Variants in NKD1 observed in about 807,000 individuals in gnomAD.
The protein encoded by NKD1 is NKD inhibitor of Wnt signaling pathway 1.
NKD1 carries 21 observed loss-of-function variants against 56.0 expected under a neutral mutation model. That is an observed-to-expected ratio of 0.38 (90% CI 0.27 to 0.54). NKD1 has a LOEUF of 0.54. NKD1 is among the 20% of genes least tolerant of loss of function. NKD1 has a pLI of 0.82. For synonymous variants in NKD1, 263 were observed against 265.7 expected, an observed-to-expected ratio of 0.99 and a Z score of 0.10; for missense variants, 578 against 642.7, an observed-to-expected ratio of 0.90 and a Z score of 1.09.
At chr16:50,548,826 C>T (rs1007167437) in intron 2 of NKD1, 77 bp downstream of exon 2, 2 of 1,319,350 alleles carry the variant, frequency 1.5e-6, no homozygotes, top group Non-Finnish European at 1.9e-6. Flanking sequence ...CCCAGCCCGC[C>T]AGGTCTTATG....
intron 3 of NKD1, among the ~76,000 whole-genome samples, chr16:50,562,600 G>A (rs572635532): frequency 7.2e-5 from 11 of 152,166 alleles, no homozygotes; most frequent in Non-Finnish European, 1.6e-4. Context: ...CGATGCGGCC[G>A]AGGACCACCT....
rs57444864 is a variant in NKD1 at position 50,620,528 on chromosome 16, A to G, written c.260-1074A>G. ...AGGGGCCAGGGTCCCTTCCCGGAGT[A>G]GGAGCCAGGCTGTTTCTTCACCTTT... is the stretch of plus-strand genomic sequence containing the variant. On this transcript the variant is annotated intron_variant, in intron 4 of 9. Transcript: ENST00000268459. Among the ~76,000 whole-genome samples, 210 of 152,280 alleles carry G rather than the reference A, an allele frequency of 1.4e-3. No homozygotes were observed. The East Asian group carries it at 0.038, about 27-fold the overall frequency.
chr16:50,579,231 A>C (rs1035020495), intron 3 of NKD1, among the ~76,000 whole-genome samples: 52 of 145,474 alleles, frequency 3.6e-4, no homozygotes, highest in Non-Finnish European at 6.2e-4. Context: ...CCACGCATGC[A>C]CTGTCTTACT....
chr16:50,628,247 A>AC (rs1218571713), intron 6 of NKD1, among the ~76,000 whole-genome samples: 1 of 152,090 alleles, frequency 6.6e-6, no homozygotes, highest in Admixed American at 6.5e-5. Context: ...TTTCTGTGTG[A>AC]CCCCCTCCCA....
intron 6 of NKD1, 52 bp from the exon 7 acceptor site, chr16:50,630,134 C>G (rs373847901): frequency 2.8e-5 from 44 of 1,577,508 alleles, no homozygotes; most frequent in South Asian, 1.1e-5. Flanking sequence ...TTTGTATTTT[C>G]AAGGCCCTGT....
At chr16:50,556,115 T>C (rs952156316) in intron 3 of NKD1, 16 of 152,206 alleles carry the variant, frequency 1.1e-4, no homozygotes, top group African/African-American at 3.4e-4. Flanking sequence ...AGGAGGACTT[T>C]GATGTCACCC....
chr16:50,612,732 G>A (rs1961873796), intron 4 of NKD1, among the ~76,000 whole-genome samples: 1 of 152,184 alleles, frequency 6.6e-6, no homozygotes, highest in Non-Finnish European at 1.5e-5. Flanking sequence ...GAGGGAACTT[G>A]GTGTTTGGGG....
In NKD1 at chr16:50,631,611, G is replaced by A. The variant is rs142751566; in HGVS notation, c.696-670G>A. Among the ~76,000 whole-genome samples the A allele has an allele frequency of 4.8e-3, 727 of 152,332 alleles. 1 individual carries two copies. Among genetic ancestry groups the A allele is most frequent in the Non-Finnish European group, 7.8e-3 (529 of 68,012 alleles). On this transcript the variant is annotated intron_variant, in intron 8 of 9. Transcript: ENST00000268459. ...ATCAGAGGGACCCAGGCTGGCTAGA[G>A]ATCCTGGGGGAAGGTGGTACTGTGT...
In NKD1 at chr16:50,577,651, A is replaced by G. The variant is rs190246419; in HGVS notation, c.192+28096A>G. 1.7e-3 allele frequency among the ~76,000 whole-genome samples: 261 copies of G among 152,270 alleles called. 1 individual carries two copies. Among genetic ancestry groups the G allele is most frequent in the African/African-American group, 6.1e-3 (253 of 41,544 alleles). On this transcript the variant is annotated intron_variant, in intron 3 of 9. Coordinates refer to ENST00000268459, the MANE Select transcript of NKD1 (RefSeq NM_033119.5). ...AACTGAAACTTTGTACCCCTTGGCC[A>G]TCACCCCTTTCCATTTCCTCCTTTC...
Position 50,632,190 on chromosome 16 carries a change from A to C in NKD1, c.696-91A>C. 1.6e-6 allele frequency: 2 copies of C among 1,270,576 alleles called. No homozygotes were observed. The highest frequency in any genetic ancestry group is 2.3e-6 in the Non-Finnish European group (2 of 886,116). The allele number at this position is 1,270,576 out of a possible 1,614,324, so 78.7% of individuals were successfully genotyped here. On this transcript the variant is annotated intron_variant, in intron 8 of 9. Coordinates refer to ENST00000268459, the MANE Select transcript of NKD1 (RefSeq NM_033119.5). This position sits in a 1 kb window ranked among gnomAD's most constrained non-coding sequence, Gnocchi z 4.1. ...CAAGAAGGAAATGAATGAAGGGTCC[A>C]GAGTTCATTCTGGGGGCTTCCTAGT...
chr16:50,617,262 C>G (rs571788272), intron 4 of NKD1, among the ~76,000 whole-genome samples: 14 of 152,190 alleles, frequency 9.2e-5, no homozygotes, highest in Non-Finnish European at 1.6e-4. Flanking sequence ...CCTCACTCTT[C>G]TTCTTTCGCT....
intron 5 of NKD1, 69 bp from the exon 6 acceptor site, chr16:50,625,416 C>T: frequency 8.9e-7 from 1 of 1,126,902 alleles, no homozygotes; most frequent in Non-Finnish European, 1.3e-6. Flanking sequence ...CCTCTAGGCC[C>T]AGGCTTCCAC....
intron 5 of NKD1, among the ~76,000 whole-genome samples, chr16:50,622,846 G>A (rs558682413): frequency 3.9e-5 from 6 of 152,120 alleles, no homozygotes; most frequent in East Asian, 1.9e-4. Context: ...ACAGTTGAGC[G>A]CCCCAAACCC....
At chr16:50,576,870 G>A (rs977247516) in intron 3 of NKD1, among the ~76,000 whole-genome samples, 6 of 151,412 alleles carry the variant, frequency 4.0e-5, no homozygotes, top group East Asian at 3.9e-4. Context: ...TACCATCCCC[G>A]TCAACAGGTG....
chr16:50,632,476 G>A lies in NKD1; in HGVS notation c.823+68G>A, dbSNP rs897731157. The A allele has an allele frequency of 1.7e-4, 266 of 1,543,116 alleles. No homozygotes were observed. Among genetic ancestry groups the A allele is most frequent in the Non-Finnish European group, 2.1e-4 (235 of 1,119,908 alleles). On this transcript the variant is annotated intron_variant, in intron 9 of 9. Transcript: ENST00000268459. This position sits in a 1 kb window ranked among gnomAD's most constrained non-coding sequence, Gnocchi z 4.1. ...CGTGGCTGGACGGGCCAGGCGGGCC[G>A]TGCGGGTGGTGTTCACTGCTACCCC...
intron 4 of NKD1, among the ~76,000 whole-genome samples, chr16:50,618,862 G>A (rs1398024645): frequency 6.6e-6 from 1 of 152,194 alleles, no homozygotes; most frequent in African/African-American, 2.4e-5. Context: ...GAAGACATAT[G>A]AGGGGTCGAG....
In NKD1 at chr16:50,641,741, A is replaced by G. The variant is rs1389358268; in HGVS notation, c.*7960A>G. ...AAAAACCTGTTCAGGGCAGAGCGTT[A>G]GACAGGAGGATGGCTAAGGGAGCAG... On this transcript the variant is annotated 3_prime_UTR_variant, in exon 10 of 10. Coordinates refer to ENST00000268459, the MANE Select transcript of NKD1 (RefSeq NM_033119.5). The G allele has an allele frequency of 6.6e-6, 1 of 152,368 alleles. No individual in the cohort carries two copies. Among genetic ancestry groups the G allele is most frequent in the African/African-American group, 2.4e-5 (1 of 41,452 alleles). 9.4% of individuals were successfully genotyped at this position (152,368 alleles called of 1,614,324 possible).
rs189456003 is a variant in NKD1, at chr16:50,588,944, G to A, written c.193-19350G>A. ...ACTGTCTGCCTCAGTTTCCTTGTTT[G>A]TAGAATGGGGAAGTAGCAACGTCTG... On this transcript the variant is annotated intron_variant, in intron 3 of 9. Transcript: ENST00000268459. Among the ~76,000 whole-genome samples the A allele has an allele frequency of 1.7e-3, 264 of 152,218 alleles. 1 individual carries two copies. The highest frequency in any genetic ancestry group is 5.7e-3 in the African/African-American group (238 of 41,534).
intron 3 of NKD1, among the ~76,000 whole-genome samples, chr16:50,576,746 C>CT (rs55799406): frequency 0.84 from 120,771 of 144,398 alleles, 50,639 homozygotes; most frequent in East Asian, 0.94. Context: ...CAATAAAGTG[C>CT]TTTTTTTTTT....
Sources: gnomAD v4.1 joint callset for allele counts (sites outside exome capture counted in the v4.1 genomes callset) on GRCh38, gnomAD v4.1.1 for gene constraint, Gnocchi (gnomAD v3.1) non-coding constraint, MANE v1.5 for transcripts, NCBI Gene and HGNC (gene_info 2026-07-23, HGNC 2026-07-21) for gene names.